The following MAP3K20 variants were observed in gnomAD, a reference collection of about 807,000 sequenced individuals.
MAP3K20 encodes mitogen-activated protein kinase kinase kinase 20.
In MAP3K20, 40 loss-of-function variants were observed where a neutral mutation model predicts 85.7. The observed-to-expected ratio is 0.47, with a 90% CI of 0.36 to 0.61. The LOEUF (loss-of-function observed/expected upper bound fraction) is 0.61, where lower values mean the gene tolerates loss of function less well. Ranked by LOEUF, MAP3K20 falls within the 20% of genes least tolerant of loss-of-function variation. MAP3K20 has a pLI of 0.00. For synonymous variants in MAP3K20, 325 were observed against 327.7 expected, an observed-to-expected ratio of 0.99 and a Z score of 0.09; for missense variants, 817 against 961.7, an observed-to-expected ratio of 0.85 and a Z score of 1.99.
intron 14 of MAP3K20, among the ~76,000 whole-genome samples, chr2:173,237,097 G>A (rs1421151059): frequency 7.3e-6 from 1 of 136,664 alleles, no homozygotes; most frequent in Non-Finnish European, 1.5e-5. Flanking sequence ...TGCGATCTTG[G>A]CTCACTGCAA....
intron 2 of MAP3K20, among the ~76,000 whole-genome samples, chr2:173,142,471 C>CAA (rs546013989): frequency 5.1e-5 from 5 of 97,682 alleles, no homozygotes; most frequent in Non-Finnish European, 1.1e-4. Context: ...GACTCCGTCT[C>CAA]AAAAAAAAAA....
At chr2:173,171,151 T>C (rs956527214) in intron 3 of MAP3K20, among the ~76,000 whole-genome samples, 1 of 152,228 alleles carries the variant, frequency 6.6e-6, no homozygotes, top group Non-Finnish European at 1.5e-5. Flanking sequence ...GAATGGGTTA[T>C]ATTGTTGGTT....
Position 173,082,442 on chromosome 2 carries a change from G to T in MAP3K20, c.-35+6440G>T, listed in dbSNP as rs140008491. On this transcript the variant is annotated intron_variant, in intron 1 of 19. Coordinates refer to ENST00000375213, the MANE Select transcript of MAP3K20 (RefSeq NM_016653.3). ...CTCTTGCATTCACCCTTCTCAGGGAGTATTCATTCCAGGCACTCAGTCCAA... is the reference window on the plus strand; with the variant it reads ...CTCTTGCATTCACCCTTCTCAGGGATTATTCATTCCAGGCACTCAGTCCAA... Among the ~76,000 whole-genome samples the T allele has an allele frequency of 1.3e-4, 20 of 152,288 alleles. 1 individual carries two copies. The East Asian group carries it at 3.1e-3, about 24-fold the overall frequency.
At position 173,229,738 on chromosome 2, in the gene MAP3K20, GCT is replaced by G; in HGVS notation, c.1032+8_1032+9del. 6.2e-7 allele frequency: 1 copy of G among 1,614,100 alleles called. No homozygotes were observed. The highest frequency in any genetic ancestry group is 8.5e-7 in the Non-Finnish European group (1 of 1,179,984). On this transcript the variant is annotated splice_donor_region_variant and intron_variant, in intron 12 of 19. Transcript: ENST00000375213. ...GCATGGACGGAAGACGATGTGGTAAGCTCTTTGTATTCATGCCTTATTTGACT... is the reference window on the plus strand; with the variant it reads ...GCATGGACGGAAGACGATGTGGTAAGCTTTGTATTCATGCCTTATTTGACT...
chr2:173,240,365 G>T (rs1017677275), intron 16 of MAP3K20, among the ~76,000 whole-genome samples: 2 of 152,184 alleles, frequency 1.3e-5, no homozygotes, highest in African/African-American at 4.8e-5. Context: ...GGTAGGCTCA[G>T]CTGGCCCTGG....
intron 4 of MAP3K20, among the ~76,000 whole-genome samples, chr2:173,184,797 C>A (rs930868743): frequency 6.6e-5 from 10 of 151,896 alleles, no homozygotes; most frequent in African/African-American, 7.3e-5. Context: ...CGCCTATAGT[C>A]CCAGCTCCTT....
intron 8 of MAP3K20, among the ~76,000 whole-genome samples, chr2:173,201,939 C>G (rs1559276023): frequency 1.3e-5 from 2 of 152,170 alleles, no homozygotes; most frequent in Non-Finnish European, 2.9e-5. Flanking sequence ...GAAAAGATCA[C>G]AGAAATGATC....
intron 11 of MAP3K20, chr2:173,225,114 T>G (rs1684348161): frequency 2.1e-6 from 2 of 930,730 alleles, no homozygotes; most frequent in Non-Finnish European, 2.5e-6. Flanking sequence ...AAAGTTATCT[T>G]GTAGAATTTG....
At chr2:173,131,148 G>A (rs1408210833) in intron 2 of MAP3K20, among the ~76,000 whole-genome samples, 1 of 152,174 alleles carries the variant, frequency 6.6e-6, no homozygotes, top group Non-Finnish European at 1.5e-5. Flanking sequence ...AAATCATCCT[G>A]TGCATACTCT....
chr2:173,158,023 G>A (rs1689531039), intron 2 of MAP3K20, among the ~76,000 whole-genome samples: 1 of 152,054 alleles, frequency 6.6e-6, no homozygotes. Flanking sequence ...ATGATAAGCA[G>A]GGCTTTGAGA....
chr2:173,203,748 G>A (rs1221976004), intron 8 of MAP3K20, 48 bp from the exon 9 acceptor site: 1 of 1,406,650 alleles, frequency 7.1e-7, no homozygotes, highest in Admixed American at 1.7e-5. Flanking sequence ...TGACATTAAT[G>A]AATAAATCCC....
At chr2:173,187,201 G>A (rs112488234) in intron 4 of MAP3K20, among the ~76,000 whole-genome samples, 3 of 152,282 alleles carry the variant, frequency 2.0e-5, no homozygotes, top group African/African-American at 7.2e-5. Context: ...TCAGAACTTT[G>A]GCAGATTTAG....
chr2:173,247,876 G>T (rs948397276), intron 16 of MAP3K20, among the ~76,000 whole-genome samples: 5 of 152,110 alleles, frequency 3.3e-5, no homozygotes, highest in African/African-American at 7.2e-5. Context: ...CCCAGACACG[G>T]CTTTACTGGG....
chr2:173,217,260 C>G lies in MAP3K20; in HGVS notation c.987+10C>G. The G allele has an allele frequency of 6.5e-7, 1 of 1,539,780 alleles. No homozygotes were observed. The highest frequency in any genetic ancestry group is 2.4e-5 in the East Asian group (1 of 42,266). On this transcript the variant is annotated intron_variant, in intron 11 of 19. Coordinates refer to ENST00000375213, the MANE Select transcript of MAP3K20 (RefSeq NM_016653.3). ...GCAGTCCAACACCCCGGTGAGTACCCTCCCCCTTCGCCGTCTTTCCACATG... is the reference window on the plus strand; with the variant it reads ...GCAGTCCAACACCCCGGTGAGTACCGTCCCCCTTCGCCGTCTTTCCACATG...
intron 2 of MAP3K20, among the ~76,000 whole-genome samples, chr2:173,165,117 G>T (rs1411549271): frequency 1.3e-5 from 2 of 152,012 alleles, no homozygotes; most frequent in African/African-American, 4.8e-5. Context: ...TCAGATTGGG[G>T]CCCTTTATTT....
chr2:173,134,416 A>ATTTT (rs1559246056), intron 2 of MAP3K20, among the ~76,000 whole-genome samples: 26 of 6,366 alleles, frequency 4.1e-3, no homozygotes, highest in Non-Finnish European at 7.6e-3. Flanking sequence ...ATATATATAT[A>ATTTT]TATATATATA....
At chr2:173,174,087 T>C (rs574079123) in intron 3 of MAP3K20, among the ~76,000 whole-genome samples, 2 of 152,354 alleles carry the variant, frequency 1.3e-5, no homozygotes, top group South Asian at 4.1e-4. Context: ...TTATTTAAAA[T>C]AGTTAATATG....
At chr2:173,247,738 G>A (rs1202034132) in intron 16 of MAP3K20, among the ~76,000 whole-genome samples, 1 of 152,164 alleles carries the variant, frequency 6.6e-6, no homozygotes, top group Non-Finnish European at 1.5e-5. Context: ...AGGGCAGGAG[G>A]AAACTTTTGG....
At chr2:173,175,897 A>G (rs1397940670) in intron 3 of MAP3K20, among the ~76,000 whole-genome samples, 4 of 152,246 alleles carry the variant, frequency 2.6e-5, no homozygotes, top group African/African-American at 9.6e-5. Flanking sequence ...TTAAGATGCA[A>G]TTCTTTTTAA....
Sources: gnomAD v4.1 joint callset for allele counts (sites outside exome capture counted in the v4.1 genomes callset) on GRCh38, gnomAD v4.1.1 for gene constraint, MANE v1.5 for transcripts, NCBI Gene and HGNC (gene_info 2026-07-23, HGNC 2026-07-21) for gene names.